Variants in VPS8 observed in about 807,000 individuals in gnomAD.
VPS8 encodes VPS8 subunit of CORVET complex, also known as vacuolar protein sorting-associated protein 8 homolog.
Under a neutral mutation model 216.4 loss-of-function variants are expected in VPS8, and 129 were observed. The observed-to-expected ratio is 0.60, with a 90% CI of 0.52 to 0.69. The LOEUF is 0.69. Ranked by LOEUF, VPS8 falls within the 30% of genes least tolerant of loss-of-function variation. VPS8 has a pLI of 0.00. For missense variants in VPS8, 1,531 were observed against 1,683.5 expected (o/e 0.91, Z 1.59); for synonymous variants, 571 against 565.4 (o/e 1.01, Z -0.14).
chr3:185,049,993 G>A (rs1713833253), intron 47 of VPS8, among the ~76,000 whole-genome samples: 1 of 152,134 alleles, frequency 6.6e-6, no homozygotes, highest in African/African-American at 2.4e-5. Flanking sequence ...TGCCCCAGGA[G>A]TTGGGTTTCT....
chr3:184,955,550 T>C (rs4575880), intron 36 of VPS8, among the ~76,000 whole-genome samples: 115,873 of 151,560 alleles, frequency 0.76, 45,132 homozygotes, highest in African/African-American at 0.85. Context: ...AGGCCACTGC[T>C]GGTCTCCGCG....
At chr3:184,874,517 G>A (rs1209098887) in intron 21 of VPS8, among the ~76,000 whole-genome samples, 1 of 152,114 alleles carries the variant, frequency 6.6e-6, no homozygotes, top group Non-Finnish European at 1.5e-5. Context: ...AAATCATCAT[G>A]AGTTGAAATT....
intron 45 of VPS8, among the ~76,000 whole-genome samples, chr3:185,021,427 A>G (rs1391641804): frequency 6.6e-6 from 1 of 152,170 alleles, no homozygotes; most frequent in Admixed American, 6.5e-5. Flanking sequence ...CCACCACCAC[A>G]TCTAGTTCTT....
chr3:184,860,143 G>A (rs1726005515), intron 15 of VPS8, 78 bp downstream of exon 15: 10 of 1,198,162 alleles, frequency 8.3e-6, no homozygotes, highest in Non-Finnish European at 1.2e-5. Context: ...AAGCTACCAG[G>A]ATTTCTGCCA....
At chr3:185,004,165 G>A (rs572131009) in intron 45 of VPS8, among the ~76,000 whole-genome samples, 82 of 149,306 alleles carry the variant, frequency 5.5e-4, no homozygotes, top group Non-Finnish European at 8.6e-4. Context: ...CCGAGACCAC[G>A]CCACTGCACT....
At chr3:184,938,933 G>A (rs1192422154) in intron 35 of VPS8, among the ~76,000 whole-genome samples, 2 of 151,408 alleles carry the variant, frequency 1.3e-5, no homozygotes, top group Non-Finnish European at 2.9e-5. Context: ...GGGAGGCTGA[G>A]GTGGGATGAT....
intron 45 of VPS8, among the ~76,000 whole-genome samples, chr3:185,012,832 G>A (rs78632821): frequency 0.036 from 5,535 of 152,270 alleles, 348 homozygotes; most frequent in African/African-American, 0.13. Flanking sequence ...GAAATATAGC[G>A]TGTGGAGTTG....
chr3:184,930,593 T>C (rs769809858), intron 34 of VPS8, 25 bp downstream of exon 34: 1 of 1,541,102 alleles, frequency 6.5e-7, no homozygotes, highest in Non-Finnish European at 9.0e-7. Context: ...AACTTCACAC[T>C]TCACCATCTG....
intron 46 of VPS8, among the ~76,000 whole-genome samples, chr3:185,027,680 A>C (rs143011825): frequency 6.6e-6 from 1 of 152,322 alleles, no homozygotes; most frequent in East Asian, 1.9e-4. Context: ...ATTTAGAAAT[A>C]GGTTCTGCAA....
intron 45 of VPS8, among the ~76,000 whole-genome samples, chr3:185,018,138 G>T (rs1661273806): frequency 6.6e-6 from 1 of 152,144 alleles, no homozygotes; most frequent in South Asian, 2.1e-4. Flanking sequence ...TACCGTCACA[G>T]GCCTTGATAG....
chr3:184,814,257 C>T (rs1715821315), intron 1 of VPS8, among the ~76,000 whole-genome samples: 1 of 152,184 alleles, frequency 6.6e-6, no homozygotes, highest in African/African-American at 2.4e-5. Flanking sequence ...CCAGTGACTC[C>T]AGTGATGGAG....
At chr3:184,972,151 G>C (rs1187520831) in intron 40 of VPS8, among the ~76,000 whole-genome samples, 1 of 152,014 alleles carries the variant, frequency 6.6e-6, no homozygotes, top group African/African-American at 2.4e-5. Context: ...CAGCCACCCG[G>C]GTTTAATTCA....
At chr3:184,941,359 T>G (rs1742659498) in intron 36 of VPS8, among the ~76,000 whole-genome samples, 1 of 149,934 alleles carries the variant, frequency 6.7e-6, no homozygotes, top group Non-Finnish European at 1.5e-5. Context: ...GTTCAAGACC[T>G]TTTCAAAGTA....
intron 20 of VPS8, among the ~76,000 whole-genome samples, chr3:184,869,882 T>C (rs1346137406): frequency 1.3e-5 from 2 of 152,118 alleles, no homozygotes; most frequent in Non-Finnish European, 2.9e-5. Flanking sequence ...GAGTGAGACC[T>C]GTATCTAAAA....
intron 37 of VPS8, among the ~76,000 whole-genome samples, chr3:184,962,542 C>G (rs1021561968): frequency 6.6e-6 from 1 of 152,040 alleles, no homozygotes; most frequent in African/African-American, 2.4e-5. Flanking sequence ...GTCATTTGCC[C>G]ATTTTTTCTG....
At chr3:184,913,657 T>G in intron 26 of VPS8, 96 bp downstream of exon 26, 1 of 1,007,414 alleles carries the variant, frequency 9.9e-7, no homozygotes, top group Non-Finnish European at 1.4e-6. Context: ...TATAGTACTT[T>G]TAATTTTGCA....
chr3:184,943,747 A>G (rs1455248751), intron 36 of VPS8, among the ~76,000 whole-genome samples: 6 of 152,224 alleles, frequency 3.9e-5, no homozygotes, highest in Admixed American at 3.9e-4. Flanking sequence ...TCTTGCCGCC[A>G]ACACCTGAGT....
chr3:184,968,979 A>C (rs1221505770), intron 39 of VPS8, among the ~76,000 whole-genome samples: 1 of 152,190 alleles, frequency 6.6e-6, no homozygotes, highest in Non-Finnish European at 1.5e-5. Context: ...ATCAGTGAAC[A>C]TTTGATTGAC....
At chr3:184,899,549 C>T (rs1301782809) in intron 24 of VPS8, among the ~76,000 whole-genome samples, 1 of 152,132 alleles carries the variant, frequency 6.6e-6, no homozygotes, top group Non-Finnish European at 1.5e-5. Context: ...ACCCTTCTAC[C>T]TCTGGTTTTG....
Sources: allele counts gnomAD v4.1 joint callset (sites outside exome capture counted in the v4.1 genomes callset), GRCh38; gene constraint gnomAD v4.1.1; transcripts MANE v1.5; gene names NCBI Gene and HGNC (gene_info 2026-07-23, HGNC 2026-07-21).